The following NAA11 variants were observed in gnomAD, a reference collection of about 807,000 sequenced individuals.
NAA11 encodes the protein N-alpha-acetyltransferase 11, NatA catalytic subunit, also known as N-alpha-acetyltransferase 11.
NAA11 carries 15 observed loss-of-function variants against 16.1 expected under a neutral mutation model. That is an observed-to-expected ratio of 0.93 (90% CI 0.62 to 1.44). The LOEUF is 1.44. NAA11 is among the 40% of genes most tolerant of loss of function. The probability of loss-of-function intolerance (pLI) is 0.00; values close to 1 mark genes in which losing one functional copy is unlikely to be tolerated. For missense variants in NAA11, 298 were observed against 291.3 expected (o/e 1.02, Z -0.17); for synonymous variants, 122 against 112.4 (o/e 1.09, Z -0.54).
chr4:79,167,672 A>G, the NAA11 span, among the ~76,000 whole-genome samples: 1 of 152,022 alleles, frequency 6.6e-6, no homozygotes, highest in Non-Finnish European at 1.5e-5. Flanking sequence ...AGTTATCAAG[A>G]AAAGAGGTTT....
chr4:79,325,863 G>T lies in NAA11; in HGVS notation c.15C>A (p.Asn5Lys), dbSNP rs745662845. The T allele has an allele frequency of 1.2e-6, 2 of 1,609,078 alleles. No individual in the cohort carries two copies. The highest frequency in any genetic ancestry group is 2.2e-5 in the East Asian group (1 of 44,858). MNIR[N>K]AQPDDLMNMQ... ...TATTCATCAGGTCGTCTGGCTGAGC[G>T]TTGCGGATGTTCATAATGGCAGAGG... Residue 5 changes from asparagine to lysine, a missense_variant, in exon 1 of 2, where the codon AAC becomes AAA. Coordinates refer to ENST00000286794, the MANE Select transcript of NAA11 (RefSeq NM_032693.3).
At chr4:79,283,592 G>A (rs1279579101) in intron 2 of NAA11, among the ~76,000 whole-genome samples, 2 of 149,064 alleles carry the variant, frequency 1.3e-5, no homozygotes, top group Non-Finnish European at 3.0e-5. Flanking sequence ...GGGTAACGAA[G>A]AAAATAATGG....
chr4:79,220,119 G>T, the NAA11 span, among the ~76,000 whole-genome samples: 7 of 152,174 alleles, frequency 4.6e-5, no homozygotes, highest in Non-Finnish European at 8.8e-5. Context: ...TTGAGACGGA[G>T]TCTCATTCTA....
chr4:79,325,575 G>A lies in NAA11; in HGVS notation c.303C>T (p.Asn101=), dbSNP rs61747710. The A allele has an allele frequency of 1.4e-3, 2,247 of 1,614,074 alleles. 25 individuals carry two copies. The African/African-American group carries it at 0.024, about 17-fold the overall frequency. ...MDQASRAMIE[N]FNAKYVSLHV... Reference sequence around the variant, plus strand: ...GCAGAGACACGTATTTGGCGTTAAAGTTCTCTATCATGGCCCTGGAGGCCT... The same window carrying A: ...GCAGAGACACGTATTTGGCGTTAAAATTCTCTATCATGGCCCTGGAGGCCT... Residue 101 remains asparagine, a synonymous_variant, in exon 1 of 2, where the codon AAC becomes AAT. Transcript: ENST00000286794.
chr4:79,203,332 A>G, the NAA11 span, among the ~76,000 whole-genome samples: 2 of 151,846 alleles, frequency 1.3e-5, no homozygotes. Flanking sequence ...GCATGCACAC[A>G]TGCACACACA....
the NAA11 span, among the ~76,000 whole-genome samples, chr4:79,161,886 T>C: frequency 1.3e-5 from 2 of 152,270 alleles, no homozygotes; most frequent in African/African-American, 4.8e-5. Flanking sequence ...TTTCACCATA[T>C]TGGCCAGGCT....
intron 2 of NAA11, among the ~76,000 whole-genome samples, chr4:79,234,197 T>C (rs1297036835): frequency 6.6e-6 from 1 of 152,138 alleles, no homozygotes; most frequent in East Asian, 1.9e-4. Context: ...GATTTCGAGG[T>C]TATCCTTTGC....
At chr4:79,224,032 A>G (rs914214074), downstream of NAA11, among the ~76,000 whole-genome samples, 2 of 152,000 alleles carry the variant, frequency 1.3e-5, no homozygotes, top group Non-Finnish European at 2.9e-5. Flanking sequence ...TAAGCAAACA[A>G]CTCTTCATAG....
rs113653470 is a variant in NAA11 at position 79,260,210 on chromosome 4, T to A, written c.*122+33795A>T. ...CTCCTCTGCAGATGCCAGTAACACA[T>A]ACATTGTGTGACTGTTGGTGGTTTA... On this transcript the variant is annotated intron_variant and NMD_transcript_variant, in intron 2 of 2. Coordinates refer to the NAA11 transcript ENST00000511542. Among the ~76,000 whole-genome samples, 31 of 152,344 alleles carry A rather than the reference T, an allele frequency of 2.0e-4. 1 individual carries two copies. The highest frequency in any genetic ancestry group is 7.5e-4 in the African/African-American group (31 of 41,584).
the NAA11 span, among the ~76,000 whole-genome samples, chr4:79,203,925 T>A: frequency 6.6e-6 from 1 of 151,762 alleles, no homozygotes; most frequent in African/African-American, 2.4e-5. Flanking sequence ...AAAACTCTGT[T>A]ATCATTAGAA....
the NAA11 span, among the ~76,000 whole-genome samples, chr4:79,205,866 G>A: frequency 2.0e-5 from 3 of 151,848 alleles, no homozygotes; most frequent in African/African-American, 7.2e-5. Flanking sequence ...ATTGAATAGG[G>A]TGTCCTTTTC....
chr4:79,197,202 C>G, the NAA11 span, among the ~76,000 whole-genome samples: 5 of 151,778 alleles, frequency 3.3e-5, no homozygotes, highest in Middle Eastern at 3.2e-3. Context: ...ATTGATAACT[C>G]AAAGCTTACT....
At chr4:79,177,603 AT>A in the NAA11 span, among the ~76,000 whole-genome samples, 1 of 152,098 alleles carries the variant, frequency 6.6e-6, no homozygotes, top group African/African-American at 2.4e-5. Context: ...CAGTGTAATT[AT>A]TTCTTTAAAG....
At chr4:79,322,998 A>G (rs150532853) in intron 1 of NAA11, among the ~76,000 whole-genome samples, 1 of 152,334 alleles carries the variant, frequency 6.6e-6, no homozygotes, top group African/African-American at 2.4e-5. Context: ...AAAAAAGTCC[A>G]TTTATTCTTA....
intron 1 of NAA11, among the ~76,000 whole-genome samples, chr4:79,309,398 T>C (rs1165812255): frequency 6.6e-6 from 1 of 152,238 alleles, no homozygotes. Flanking sequence ...TTAGCTGTAT[T>C]TTCCAACTGA....
chr4:79,248,989 G>C (rs1721921628), intron 2 of NAA11, among the ~76,000 whole-genome samples: 1 of 150,924 alleles, frequency 6.6e-6, no homozygotes, highest in South Asian at 2.1e-4. Flanking sequence ...GGGAGCACTT[G>C]AGCCCCCCCC....
At chr4:79,186,224 GAATAT>G in the NAA11 span, among the ~76,000 whole-genome samples, 1 of 152,244 alleles carries the variant, frequency 6.6e-6, no homozygotes, top group South Asian at 2.1e-4. Flanking sequence ...AAAAGGCTAT[GAATAT>G]ATTATCAAAA....
At chr4:79,179,258 A>G in the NAA11 span, among the ~76,000 whole-genome samples, 1 of 152,292 alleles carries the variant, frequency 6.6e-6, no homozygotes, top group South Asian at 2.1e-4. Context: ...AGTAGCAGTT[A>G]TCTCTAATAA....
At chr4:79,252,576 A>G (rs530759951) in intron 2 of NAA11, among the ~76,000 whole-genome samples, 2 of 152,342 alleles carry the variant, frequency 1.3e-5, no homozygotes, top group East Asian at 1.9e-4. Context: ...TGATAGGAGA[A>G]AGGAATGTGA....
Sources: gnomAD v4.1 joint callset for allele counts (sites outside exome capture counted in the v4.1 genomes callset) on GRCh38, gnomAD v4.1.1 for gene constraint, MANE v1.5 for transcripts, NCBI Gene and HGNC (gene_info 2026-07-23, HGNC 2026-07-21) for gene names.